AUTS2: variants seen among roughly 807,000 people sequenced by gnomAD.
The protein encoded by AUTS2 is activator of transcription and developmental regulator AUTS2.
Under a neutral mutation model 112.4 loss-of-function variants are expected in AUTS2, and 17 were observed. That is an observed-to-expected ratio of 0.15 (90% CI 0.10 to 0.23). AUTS2 has a LOEUF of 0.23. Ranked by LOEUF, AUTS2 falls within the 10% of genes least tolerant of loss-of-function variation. AUTS2 has a pLI of 1.00. For missense variants in AUTS2, 1,510 were observed against 1,701.6 expected, an observed-to-expected ratio of 0.89 and a Z score of 1.98; for synonymous variants, 751 against 702.7, an observed-to-expected ratio of 1.07 and a Z score of -1.09.
chr7:70,055,669 T>G (rs1801960357), intron 2 of AUTS2, among the ~76,000 whole-genome samples: 1 of 152,134 alleles, frequency 6.6e-6, no homozygotes, highest in Non-Finnish European at 1.5e-5. Flanking sequence ...CTTCTGAAGG[T>G]TAAACAGGTT....
intron 1 of AUTS2, among the ~76,000 whole-genome samples, chr7:69,800,475 G>C (rs748756459): frequency 2.0e-5 from 3 of 152,132 alleles, no homozygotes; most frequent in African/African-American, 4.8e-5. Context: ...CCTGCCTTTG[G>C]TATGATAAGC....
At chr7:70,391,955 G>A (rs764047972) in intron 4 of AUTS2, among the ~76,000 whole-genome samples, 8 of 152,072 alleles carry the variant, frequency 5.3e-5, no homozygotes, top group Non-Finnish European at 1.2e-4. Flanking sequence ...GCTCCTGCAT[G>A]GCTCACCAAT....
At chr7:69,734,382 A>C (rs979052030) in intron 1 of AUTS2, among the ~76,000 whole-genome samples, 7 of 149,514 alleles carry the variant, frequency 4.7e-5, no homozygotes, top group Non-Finnish European at 8.9e-5. Flanking sequence ...TTAGGTAAAG[A>C]AGTCTTTCTT....
At chr7:70,062,277 A>C (rs532702213) in intron 2 of AUTS2, among the ~76,000 whole-genome samples, 41 of 151,930 alleles carry the variant, frequency 2.7e-4, no homozygotes, top group African/African-American at 9.2e-4. Context: ...TTGGGAGGCC[A>C]AGGAGGGCGG....
chr7:70,727,704 A>G (rs1787121457), intron 6 of AUTS2, among the ~76,000 whole-genome samples: 1 of 152,182 alleles, frequency 6.6e-6, no homozygotes, highest in South Asian at 2.1e-4. Flanking sequence ...AGATAAAAAG[A>G]CTTTCTTAAT....
intron 5 of AUTS2, among the ~76,000 whole-genome samples, chr7:70,565,337 A>G (rs1175562184): frequency 6.6e-6 from 1 of 152,154 alleles, no homozygotes; most frequent in Admixed American, 6.5e-5. Flanking sequence ...AGTTTATTAT[A>G]CAGTTCTCTC....
At chr7:70,225,077 G>A (rs1280107597) in intron 4 of AUTS2, among the ~76,000 whole-genome samples, 4 of 152,138 alleles carry the variant, frequency 2.6e-5, no homozygotes, top group African/African-American at 9.7e-5. Context: ...AGTCTTCCTT[G>A]TTAATTGAAA....
chr7:69,758,980 G>T (rs1384613192), intron 1 of AUTS2, among the ~76,000 whole-genome samples: 3 of 152,160 alleles, frequency 2.0e-5, no homozygotes, highest in African/African-American at 7.2e-5. Flanking sequence ...ATAAATAAAT[G>T]TGGGTGAGGA....
chr7:70,700,841 G>C (rs1455914649), intron 6 of AUTS2, among the ~76,000 whole-genome samples: 1 of 152,216 alleles, frequency 6.6e-6, no homozygotes, highest in African/African-American at 2.4e-5. Flanking sequence ...GGAACTGTCA[G>C]CTTCATGCAC....
Position 70,179,583 on chromosome 7 carries a change from G to T in AUTS2, c.660+45012G>T, listed in dbSNP as rs79073985. On this transcript the variant is annotated intron_variant, in intron 4 of 18. Transcript: ENST00000342771. ...TGTTTTCTGCAGATCTCTAGCTCTG[G>T]TAAACAATGGTGAACTGGGCCCATA... 4.2e-3 allele frequency among the ~76,000 whole-genome samples: 638 copies of T among 152,236 alleles called. 7 individuals carry two copies. The highest frequency in any genetic ancestry group is 0.014 in the African/African-American group (598 of 41,544).
chr7:70,208,011 C>CA (rs61267230), intron 4 of AUTS2, among the ~76,000 whole-genome samples: 4,380 of 41,568 alleles, frequency 0.11, 97 homozygotes, highest in East Asian at 0.16. Context: ...AACTCCATCT[C>CA]AAAAAAAAAA....
At chr7:69,614,001 G>A (rs1445171902) in intron 1 of AUTS2, among the ~76,000 whole-genome samples, 1 of 152,084 alleles carries the variant, frequency 6.6e-6, no homozygotes, top group Non-Finnish European at 1.5e-5. Context: ...GTTTGTTTAT[G>A]CTACAAAGAG....
At chr7:69,863,270 G>A (rs934724070) in intron 1 of AUTS2, among the ~76,000 whole-genome samples, 1 of 152,146 alleles carries the variant, frequency 6.6e-6, no homozygotes, top group African/African-American at 2.4e-5. Context: ...AAACAATATA[G>A]TATAACAACC....
intron 2 of AUTS2, among the ~76,000 whole-genome samples, chr7:69,995,064 A>G (rs1798887529): frequency 6.6e-6 from 1 of 152,140 alleles, no homozygotes; most frequent in African/African-American, 2.4e-5. Context: ...TGGAATTTTA[A>G]ATATTGGCAT....
intron 1 of AUTS2, among the ~76,000 whole-genome samples, chr7:69,800,126 C>A (rs1790018851): frequency 6.6e-6 from 1 of 152,118 alleles, no homozygotes; most frequent in Admixed American, 6.5e-5. Flanking sequence ...CAGTGTAAGT[C>A]AGATAAATAT....
intron 6 of AUTS2, among the ~76,000 whole-genome samples, chr7:70,724,171 C>T (rs1288815173): frequency 6.6e-6 from 1 of 152,100 alleles, no homozygotes; most frequent in East Asian, 1.9e-4. Flanking sequence ...GGATTACAGG[C>T]GTGAGCCACC....
At chr7:70,563,859 A>G (rs987333774) in intron 5 of AUTS2, among the ~76,000 whole-genome samples, 1 of 152,124 alleles carries the variant, frequency 6.6e-6, no homozygotes, top group Non-Finnish European at 1.5e-5. Flanking sequence ...CACTTATTTC[A>G]TATTGCTGCT....
chr7:70,407,067 G>A (rs1469591747), intron 4 of AUTS2, among the ~76,000 whole-genome samples: 1 of 152,100 alleles, frequency 6.6e-6, no homozygotes, highest in Non-Finnish European at 1.5e-5. Context: ...GAAAATCCAG[G>A]CACCGATTAA....
At chr7:70,413,432 C>A (rs1431021693) in intron 4 of AUTS2, among the ~76,000 whole-genome samples, 2 of 152,072 alleles carry the variant, frequency 1.3e-5, no homozygotes, top group Non-Finnish European at 2.9e-5. Flanking sequence ...CCTGGGGAGT[C>A]AGAAGCTCTG....
Sources: allele counts gnomAD v4.1 joint callset (sites outside exome capture counted in the v4.1 genomes callset), GRCh38; gene constraint gnomAD v4.1.1; transcripts MANE v1.5; gene names NCBI Gene and HGNC (gene_info 2026-07-23, HGNC 2026-07-21).